Variants in USP54 observed in about 807,000 individuals in gnomAD.
USP54 encodes ubiquitin carboxyl-terminal hydrolase 54.
In USP54, 87 loss-of-function variants were observed where a neutral mutation model predicts 170.5. The observed-to-expected ratio is 0.51, with a 90% CI of 0.43 to 0.61. USP54 has a LOEUF of 0.61. Among genes scored for constraint, USP54 ranks in the 20% least tolerant of loss-of-function variants. The pLI, the probability that USP54 is intolerant of heterozygous loss-of-function variation, is 0.00. For synonymous variants in USP54, 655 were observed against 742.8 expected, an observed-to-expected ratio of 0.88 and a Z score of 1.92; for missense variants, 1,786 against 2,047.8, an observed-to-expected ratio of 0.87 and a Z score of 2.47.
At chr10:73,603,948 GCTA>G (rs1416892115) in intron 1 of USP54, among the ~76,000 whole-genome samples, 2 of 151,484 alleles carry the variant, frequency 1.3e-5, no homozygotes, top group East Asian at 2.0e-4. Context: ...TATTAGGATG[GCTA>G]CTATTAAAAA....
chr10:73,561,319 T>C (rs1261720797), intron 4 of USP54, among the ~76,000 whole-genome samples: 1 of 152,090 alleles, frequency 6.6e-6, no homozygotes, highest in Non-Finnish European at 1.5e-5. Flanking sequence ...TCTAGATAGA[T>C]AGCATTTCTA....
chr10:73,570,242 G>C (rs2074868726), intron 4 of USP54, among the ~76,000 whole-genome samples: 1 of 151,960 alleles, frequency 6.6e-6, no homozygotes, highest in South Asian at 2.1e-4. Flanking sequence ...GAGAAACAGA[G>C]AAAGCAACAG....
chr10:73,527,759 G>C (rs2063181991), intron 15 of USP54, among the ~76,000 whole-genome samples: 1 of 150,346 alleles, frequency 6.7e-6, no homozygotes, highest in African/African-American at 2.4e-5. Flanking sequence ...CAGTACTCTG[G>C]GAGGCTGAGG....
chr10:73,607,337 G>GA (rs11332379), intron 1 of USP54, among the ~76,000 whole-genome samples: 14 of 127,628 alleles, frequency 1.1e-4, no homozygotes, highest in Non-Finnish European at 1.6e-4. Flanking sequence ...AAAAAAAAAA[G>GA]AAAAAAAAAA....
At chr10:73,505,143 A>G in intron 21 of USP54, 153 bp from the exon 22 acceptor site, 1 of 1,285,182 alleles carries the variant, frequency 7.8e-7, no homozygotes, top group Non-Finnish European at 1.1e-6. Flanking sequence ...TGGCCATGTA[A>G]CAATCTCCTC....
rs75355799 is a variant in USP54 at position 73,575,703 on chromosome 10, G to T, written c.-17-28C>A. 19,278 of 1,520,520 alleles carry T rather than the reference G, an allele frequency of 0.013. 1,148 individuals are homozygous for T. In the African/African-American group the frequency reaches 0.17, roughly 14 times the overall value. 94.2% of individuals were successfully genotyped at this position (1,520,520 alleles called of 1,614,324 possible). ...GAAAAAAAAATGGAGAAGGATTTGT[G>T]CCTTTTTGGCAGGAATTTCTGTCTG... On this transcript the variant is annotated intron_variant, in intron 2 of 23. Coordinates refer to ENST00000687698, the MANE Select transcript of USP54 (RefSeq NM_001391956.1).
intron 4 of USP54, among the ~76,000 whole-genome samples, chr10:73,551,416 G>A (rs1246352529): frequency 1.3e-5 from 2 of 152,208 alleles, no homozygotes; most frequent in African/African-American, 4.8e-5. Flanking sequence ...ACTGGAAGGG[G>A]AAGAATGTCT....
intron 1 of USP54, among the ~76,000 whole-genome samples, chr10:73,618,438 A>G (rs2080822244): frequency 6.7e-6 from 1 of 150,182 alleles, no homozygotes; most frequent in South Asian, 2.1e-4. Context: ...ATTTTTTAAA[A>G]TTTTTGGTAA....
chr10:73,570,539 T>C (rs1341483682), intron 4 of USP54, among the ~76,000 whole-genome samples: 1 of 151,048 alleles, frequency 6.6e-6, no homozygotes, highest in Non-Finnish European at 1.5e-5. Flanking sequence ...CATTACTCTC[T>C]TTTCCTTTTT....
chr10:73,523,534 CCTTT>C (rs748962573), intron 17 of USP54, 45 bp downstream of exon 17: 1 of 1,471,010 alleles, frequency 6.8e-7, no homozygotes, highest in South Asian at 1.5e-5. Context: ...TTTTTTCTAC[CCTTT>C]CTGTCTGTCC....
chr10:73,517,655 TG>T lies in USP54; in HGVS notation c.2770del (p.His924IlefsTer30), dbSNP rs2061261087. ...DTEFGASSFF[H>X]SPASCHESHS... Reference sequence around the variant, plus strand: ...TGACTCATGGCAGGAAGCAGGTGAATGGAAGAAAGAACTGGCCCCAAACTCT... The same window carrying T: ...TGACTCATGGCAGGAAGCAGGTGAATGAAGAAAGAACTGGCCCCAAACTCT... On this transcript the variant is annotated frameshift_variant, in exon 20 of 24. Transcript: ENST00000687698. LOFTEE classifies it high-confidence loss of function. 1.2e-6 allele frequency: 2 copies of T among 1,614,066 alleles called. No individual in the cohort carries two copies. Among genetic ancestry groups the T allele is most frequent in the Non-Finnish European group, 1.7e-6 (2 of 1,180,046 alleles).
intron 1 of USP54, among the ~76,000 whole-genome samples, chr10:73,600,235 T>C (rs1404118523): frequency 6.6e-6 from 1 of 152,094 alleles, no homozygotes; most frequent in African/African-American, 2.4e-5. Context: ...GGATCTTTAA[T>C]ACAGAACTTC....
intron 1 of USP54, among the ~76,000 whole-genome samples, chr10:73,590,314 G>A (rs368130600): frequency 6.6e-6 from 1 of 152,068 alleles, no homozygotes; most frequent in Non-Finnish European, 1.5e-5. Context: ...ATTACTGTAC[G>A]AATACAACCA....
intron 22 of USP54, among the ~76,000 whole-genome samples, chr10:73,503,525 A>C (rs765089042): frequency 3.9e-5 from 6 of 152,208 alleles, no homozygotes; most frequent in Admixed American, 6.5e-5. Context: ...TGAATCAATG[A>C]ATGATACAGA....
intron 1 of USP54, among the ~76,000 whole-genome samples, chr10:73,578,068 C>A (rs1233161243): frequency 6.6e-6 from 1 of 152,208 alleles, no homozygotes; most frequent in Non-Finnish European, 1.5e-5. Context: ...CCCTATGACA[C>A]ACACTCCTGA....
chr10:73,620,141 T>C lies in USP54; in HGVS notation c.-18+5426A>G, dbSNP rs370292887. Reference sequence around the variant, plus strand: ...GAGCCTGACCAATATGGTGAAACTCTGTCTCTACTGAAAATACAATAATTA... The same window carrying C: ...GAGCCTGACCAATATGGTGAAACTCCGTCTCTACTGAAAATACAATAATTA... On this transcript the variant is annotated intron_variant, in intron 1 of 22. Transcript: ENST00000339859. Among the ~76,000 whole-genome samples, 21 of 150,122 alleles carry C rather than the reference T, an allele frequency of 1.4e-4. 3 individuals are homozygous for C. The highest frequency in any genetic ancestry group is 4.8e-4 in the African/African-American group (19 of 39,556).
intron 1 of USP54, among the ~76,000 whole-genome samples, chr10:73,607,826 G>A (rs571795712): frequency 1.6e-4 from 22 of 134,570 alleles, no homozygotes; most frequent in African/African-American, 5.2e-4. Flanking sequence ...GCAAGACTCC[G>A]TCTCAAAAAA....
At chr10:73,528,038 T>C (rs2063269514) in intron 15 of USP54, among the ~76,000 whole-genome samples, 2 of 151,908 alleles carry the variant, frequency 1.3e-5, no homozygotes, top group Non-Finnish European at 2.9e-5. Flanking sequence ...CGGGTTCAAG[T>C]GATTCTCCTG....
At chr10:73,581,473 T>C (rs372714856) in intron 1 of USP54, among the ~76,000 whole-genome samples, 2 of 152,306 alleles carry the variant, frequency 1.3e-5, no homozygotes, top group East Asian at 3.9e-4. Context: ...ACCAAGCCAC[T>C]GAAACTTAAG....
Sources: allele counts gnomAD v4.1 joint callset (sites outside exome capture counted in the v4.1 genomes callset), GRCh38; gene constraint gnomAD v4.1.1; transcripts MANE v1.5; gene names NCBI Gene and HGNC (gene_info 2026-07-23, HGNC 2026-07-21).